The following NCK2 variants were observed in gnomAD, a reference collection of about 807,000 sequenced individuals.
NCK2 encodes NCK adaptor protein 2.
In NCK2, 16 loss-of-function variants were observed where a neutral mutation model predicts 33.9. The ratio of observed to expected loss-of-function variants is 0.47; its 90% CI spans 0.32 to 0.72. The LOEUF (loss-of-function observed/expected upper bound fraction) is 0.72, where lower values mean the gene tolerates loss of function less well. Among genes scored for constraint, NCK2 ranks in the 30% least tolerant of loss-of-function variants. The pLI, the probability that NCK2 is intolerant of heterozygous loss-of-function variation, is 0.03. For missense variants in NCK2, 418 were observed against 537.3 expected, an observed-to-expected ratio of 0.78 and a Z score of 2.19; for synonymous variants, 273 against 239.9, an observed-to-expected ratio of 1.14 and a Z score of -1.27.
At chr2:105,877,027 G>T (rs902573565) in intron 3 of NCK2, among the ~76,000 whole-genome samples, 1 of 152,180 alleles carries the variant, frequency 6.6e-6, no homozygotes, top group African/African-American at 2.4e-5. Flanking sequence ...CGGGGTCACA[G>T]CTCCAGGTGA....
chr2:105,847,329 AAG>A (rs1222099620), intron 2 of NCK2: 6 of 152,198 alleles, frequency 3.9e-5, no homozygotes, highest in Non-Finnish European at 5.9e-5. Context: ...GAAAAAAAAA[AAG>A]AATATGGTTA....
Position 105,881,794 on chromosome 2 carries a change from C to T in NCK2, c.693C>T (p.Asp231=). ...TMEVIEKPEN[D]PEWWKCKNAR... Reference sequence around the variant, plus strand: ...AGGTGATTGAGAAGCCGGAGAACGACCCCGAGTGGTGGAAATGCAAAAATG... The same window carrying T: ...AGGTGATTGAGAAGCCGGAGAACGATCCCGAGTGGTGGAAATGCAAAAATG... Residue 231 remains aspartate (D), a synonymous_variant, in exon 4 of 5, where the codon GAC becomes GAT. Coordinates refer to ENST00000233154, the MANE Select transcript of NCK2 (RefSeq NM_003581.5). 6.2e-7 allele frequency: 1 copy of T among 1,612,796 alleles called. No individual in the cohort carries two copies. The highest frequency in any genetic ancestry group is 8.5e-7 in the Non-Finnish European group (1 of 1,179,386).
At chr2:105,813,458 A>T (rs1392758110) in intron 1 of NCK2, among the ~76,000 whole-genome samples, 3 of 152,260 alleles carry the variant, frequency 2.0e-5, no homozygotes, top group African/African-American at 7.2e-5. Context: ...TCCCTTCTTA[A>T]CCCTGAACTG....
chr2:105,833,542 C>T (rs1676277869), intron 2 of NCK2, among the ~76,000 whole-genome samples: 1 of 151,966 alleles, frequency 6.6e-6, no homozygotes, highest in South Asian at 2.1e-4. Flanking sequence ...TGTAAAATGT[C>T]TTCTGATATT....
intron 2 of NCK2, among the ~76,000 whole-genome samples, chr2:105,820,358 A>G (rs771968540): frequency 6.6e-6 from 1 of 152,244 alleles, no homozygotes; most frequent in Non-Finnish European, 1.5e-5. Flanking sequence ...CTGGTAGAAC[A>G]GTAAGCGGGA....
intron 3 of NCK2, among the ~76,000 whole-genome samples, chr2:105,866,965 T>G (rs527273634): frequency 2.0e-4 from 30 of 152,332 alleles, no homozygotes; most frequent in African/African-American, 7.0e-4. Flanking sequence ...TAGTTTGTTT[T>G]TCTGAGTTGA....
At chr2:105,749,446 A>G (rs1159439249) in intron 1 of NCK2, among the ~76,000 whole-genome samples, 4 of 152,224 alleles carry the variant, frequency 2.6e-5, no homozygotes. Flanking sequence ...AGTCCTCTTC[A>G]CATACACCAT....
intron 1 of NCK2, among the ~76,000 whole-genome samples, chr2:105,793,266 T>G (rs1690958876): frequency 6.6e-6 from 1 of 151,404 alleles, no homozygotes; most frequent in African/African-American, 2.5e-5. Flanking sequence ...TGCTGCCTGT[T>G]TTTTTGTCCC....
chr2:105,861,727 C>G (rs1677542209), intron 3 of NCK2, among the ~76,000 whole-genome samples: 1 of 152,036 alleles, frequency 6.6e-6, no homozygotes, highest in African/African-American at 2.4e-5. Context: ...GTTGGCCAGG[C>G]TGGTCTCGAA....
intron 1 of NCK2, among the ~76,000 whole-genome samples, chr2:105,767,165 T>G (rs1342780649): frequency 6.6e-6 from 1 of 152,202 alleles, no homozygotes; most frequent in African/African-American, 2.4e-5. Flanking sequence ...TGTGTTTATC[T>G]CATAGATACC....
chr2:105,824,359 C>G (rs753222918), intron 2 of NCK2, among the ~76,000 whole-genome samples: 3 of 152,186 alleles, frequency 2.0e-5, no homozygotes, highest in Non-Finnish European at 4.4e-5. Context: ...TATTTAGTGC[C>G]TTCCGGAATA....
intron 2 of NCK2, among the ~76,000 whole-genome samples, chr2:105,829,552 C>CA (rs1278320982): frequency 1.3e-5 from 2 of 152,176 alleles, no homozygotes; most frequent in Non-Finnish European, 2.9e-5. Context: ...GACAGTTTCT[C>CA]AGACTTTCCT....
At chr2:105,844,595 G>T (rs138120731) in intron 2 of NCK2, among the ~76,000 whole-genome samples, 5 of 150,146 alleles carry the variant, frequency 3.3e-5, no homozygotes, top group African/African-American at 1.2e-4. Flanking sequence ...AAAAACAGCT[G>T]GGCATGGAGG....
At chr2:105,840,899 G>A (rs867474643) in intron 2 of NCK2, among the ~76,000 whole-genome samples, 4 of 151,372 alleles carry the variant, frequency 2.6e-5, no homozygotes, top group Admixed American at 6.6e-5. Context: ...CCACGGAAAG[G>A]TAAAAGGCCG....
intron 1 of NCK2, among the ~76,000 whole-genome samples, chr2:105,807,127 T>C (rs1675075110): frequency 6.6e-6 from 1 of 152,196 alleles, no homozygotes; most frequent in African/African-American, 2.4e-5. Context: ...TCAGCCCTTG[T>C]AGCCTGCTCC....
chr2:105,855,150 G>C lies in NCK2; in HGVS notation c.87G>C (p.Leu29=), dbSNP rs755070830. 6 of 1,614,124 alleles carry C rather than the reference G, an allele frequency of 3.7e-6. No homozygotes were observed. The African/African-American group carries it at 4.0e-5, about 11-fold the overall frequency. ...QELDIKKNER[L]WLLDDSKTWW... is the part of the protein sequence containing the mutation. ...TGGACATCAAGAAGAACGAGCGGCT[G>C]TGGTTGCTGGACGACTCCAAGACGT... The change falls in exon 3 of 5, where the codon CTG becomes CTC. Residue 29 remains leucine (L), a synonymous_variant. Transcript: ENST00000233154.
At chr2:105,881,116 A>G (rs75776375) in intron 3 of NCK2, among the ~76,000 whole-genome samples, 3 of 152,274 alleles carry the variant, frequency 2.0e-5, no homozygotes, top group East Asian at 3.9e-4. Flanking sequence ...AAATAGATCA[A>G]TTTAATTCTC....
intron 2 of NCK2, among the ~76,000 whole-genome samples, chr2:105,821,378 G>C (rs1345474663): frequency 6.6e-6 from 1 of 152,162 alleles, no homozygotes; most frequent in Non-Finnish European, 1.5e-5. Context: ...AACTTGTGGA[G>C]TTTCCGCCCA....
At chr2:105,867,268 A>G (rs1253993730) in intron 3 of NCK2, among the ~76,000 whole-genome samples, 1 of 152,162 alleles carries the variant, frequency 6.6e-6, no homozygotes, top group Non-Finnish European at 1.5e-5. Flanking sequence ...TTTACTTTTC[A>G]TGTCTCTGTT....
Sources: gnomAD v4.1 joint callset for allele counts (sites outside exome capture counted in the v4.1 genomes callset) on GRCh38, gnomAD v4.1.1 for gene constraint, MANE v1.5 for transcripts, NCBI Gene and HGNC (gene_info 2026-07-23, HGNC 2026-07-21) for gene names.